The following CSMD1 variants were observed in gnomAD, a reference collection of about 807,000 sequenced individuals.
The protein encoded by CSMD1 is CUB and sushi domain-containing protein 1.
A neutral mutation model predicts 417.5 loss-of-function variants in CSMD1; 213 were observed. The ratio of observed to expected loss-of-function variants is 0.51; its 90% CI spans 0.46 to 0.57. The LOEUF (loss-of-function observed/expected upper bound fraction) is 0.57. CSMD1 is among the 20% of genes least tolerant of loss of function. The probability of loss-of-function intolerance (pLI) is 0.00; values close to 1 mark genes in which losing one functional copy is unlikely to be tolerated. For synonymous variants in CSMD1, 2,862 were observed against 1,736.8 expected, an observed-to-expected ratio of 1.65 and a Z score of -16.11; for missense variants, 6,923 against 4,529.7, an observed-to-expected ratio of 1.53 and a Z score of -15.17.
chr8:4,948,286 TATA>T (rs1396671910), intron 1 of CSMD1, among the ~76,000 whole-genome samples: 2 of 152,110 alleles, frequency 1.3e-5, no homozygotes, highest in South Asian at 2.1e-4. Context: ...TGAATATTTT[TATA>T]ATGTTAGGTA....
chr8:4,181,687 T>C (rs1461673959), intron 3 of CSMD1, among the ~76,000 whole-genome samples: 2 of 152,202 alleles, frequency 1.3e-5, no homozygotes, highest in South Asian at 4.1e-4. Context: ...TCAATTCATT[T>C]ATACTTTTTT....
intron 10 of CSMD1, among the ~76,000 whole-genome samples, chr8:3,537,485 T>C (rs1339355527): frequency 6.6e-6 from 1 of 152,198 alleles, no homozygotes; most frequent in East Asian, 1.9e-4. Context: ...AGTGATTTCC[T>C]CAGGAATTTA....
intron 3 of CSMD1, among the ~76,000 whole-genome samples, chr8:4,070,714 T>C (rs1332983045): frequency 6.6e-6 from 1 of 152,122 alleles, no homozygotes; most frequent in East Asian, 1.9e-4. Context: ...CACAGGTTGT[T>C]TCCATGAAGC....
intron 5 of CSMD1, among the ~76,000 whole-genome samples, chr8:3,916,014 A>C (rs1808799674): frequency 6.6e-6 from 1 of 151,686 alleles, no homozygotes; most frequent in Non-Finnish European, 1.5e-5. Flanking sequence ...ATTAGTTGGA[A>C]AATGTCACTG....
chr8:4,906,229 AAATTCTG>A (rs1361771222), intron 1 of CSMD1, among the ~76,000 whole-genome samples: 1 of 152,246 alleles, frequency 6.6e-6, no homozygotes, highest in African/African-American at 2.4e-5. Context: ...TTTGCTGTCT[AAATTCTG>A]AAGATGACAC....
At chr8:3,408,276 T>A (rs374768758) in intron 13 of CSMD1, 51 bp from the exon 14 acceptor site, 3 of 1,414,870 alleles carry the variant, frequency 2.1e-6, no homozygotes, top group African/African-American at 1.4e-5. Flanking sequence ...ATCCAAAGAA[T>A]TGCCATGTGA....
intron 5 of CSMD1, among the ~76,000 whole-genome samples, chr8:3,854,163 A>G (rs1008406802): frequency 6.9e-6 from 1 of 145,216 alleles, no homozygotes; most frequent in South Asian, 2.1e-4. Flanking sequence ...TAATAATAAA[A>G]AAAAAAAAAC....
intron 1 of CSMD1, among the ~76,000 whole-genome samples, chr8:4,671,107 A>G (rs562530825): frequency 2.0e-5 from 3 of 152,176 alleles, no homozygotes; most frequent in Non-Finnish European, 4.4e-5. Flanking sequence ...GGCTTGAAAA[A>G]CTAGCTGCAT....
At chr8:4,131,251 A>G (rs1803084692) in intron 3 of CSMD1, among the ~76,000 whole-genome samples, 1 of 152,176 alleles carries the variant, frequency 6.6e-6, no homozygotes, top group East Asian at 1.9e-4. Flanking sequence ...TGAGTACAGA[A>G]AGGTAGGAGA....
intron 2 of CSMD1, among the ~76,000 whole-genome samples, chr8:4,435,748 C>G (rs1798113976): frequency 6.6e-6 from 1 of 152,074 alleles, no homozygotes; most frequent in Non-Finnish European, 1.5e-5. Flanking sequence ...GGCCATGTGG[C>G]TACAATAAAA....
chr8:4,138,839 G>A (rs886835661), intron 3 of CSMD1, among the ~76,000 whole-genome samples: 1 of 152,058 alleles, frequency 6.6e-6, no homozygotes, highest in Non-Finnish European at 1.5e-5. Flanking sequence ...ATTCTATAGA[G>A]AATAAAGTTA....
chr8:3,060,512 C>A (rs75442393), intron 49 of CSMD1, among the ~76,000 whole-genome samples: 10,417 of 152,160 alleles, frequency 0.068, 506 homozygotes, highest in Non-Finnish European at 0.098. Flanking sequence ...TAAAAAATTA[C>A]TATTAGAACA....
chr8:4,840,535 G>T lies in CSMD1; in HGVS notation c.85+153797C>A, dbSNP rs115678714. 4.9e-3 allele frequency among the ~76,000 whole-genome samples: 747 copies of T among 152,316 alleles called. 9 individuals carry two copies. The highest frequency in any genetic ancestry group is 0.017 in the African/African-American group (723 of 41,570). ...GGTGGTGAGACTTGCTGAAGGAGCA[G>T]CTTTCAAAATAAACTTCCCAGAGAA... On this transcript the variant is annotated intron_variant, in intron 1 of 69. Transcript: ENST00000635120.
intron 2 of CSMD1, among the ~76,000 whole-genome samples, chr8:4,452,066 A>G (rs1048958201): frequency 1.1e-4 from 17 of 152,092 alleles, no homozygotes; most frequent in Admixed American, 8.5e-4. Context: ...ATTAGGGGCC[A>G]GAATGATCTC....
intron 35 of CSMD1, 143 bp from the exon 36 acceptor site, chr8:3,188,108 A>G: frequency 3.6e-6 from 1 of 279,760 alleles, no homozygotes; most frequent in Non-Finnish European, 6.6e-6. Flanking sequence ...ATACATATAC[A>G]CCTTAATAAT....
At chr8:3,287,638 T>C (rs536494925) in intron 25 of CSMD1, among the ~76,000 whole-genome samples, 2 of 152,316 alleles carry the variant, frequency 1.3e-5, no homozygotes, top group Admixed American at 6.5e-5. Flanking sequence ...CTTGTGATTT[T>C]TGCACATTGA....
At chr8:4,489,262 A>T (rs7843371) in intron 2 of CSMD1, among the ~76,000 whole-genome samples, 28 of 152,116 alleles carry the variant, frequency 1.8e-4, no homozygotes, top group African/African-American at 5.6e-4. Context: ...CCTTTTTCTA[A>T]GAATAAGCAA....
chr8:3,483,358 G>A (rs1204187079), intron 11 of CSMD1, among the ~76,000 whole-genome samples: 1 of 151,930 alleles, frequency 6.6e-6, no homozygotes, highest in Admixed American at 6.6e-5. Context: ...ATAAATAACT[G>A]TAAATTCATA....
rs771065484 is a variant in CSMD1, at chr8:4,366,494, A to G, written c.415+53459T>C. ...GTAGTCCTGTTTTAAGTTCTTCGAT[A>G]AAACTCCACAGTTTTCCACAGTAGC... On this transcript the variant is annotated intron_variant, in intron 3 of 69. Transcript: ENST00000635120. Among the ~76,000 whole-genome samples the G allele has an allele frequency of 2.2e-4, 33 of 152,180 alleles. 1 individual carries two copies. Among genetic ancestry groups the G allele is most frequent in the African/African-American group, 7.2e-4 (30 of 41,442 alleles).
Sources: allele counts gnomAD v4.1 joint callset (sites outside exome capture counted in the v4.1 genomes callset), GRCh38; gene constraint gnomAD v4.1.1; transcripts MANE v1.5; gene names NCBI Gene and HGNC (gene_info 2026-07-23, HGNC 2026-07-21).